The following DLEC1 variants were observed in gnomAD, a reference collection of about 807,000 sequenced individuals.
DLEC1 encodes the protein deleted in lung and esophageal cancer protein 1.
DLEC1 carries 146 observed loss-of-function variants against 198.1 expected under a neutral mutation model. The observed-to-expected ratio is 0.74, with a 90% CI of 0.64 to 0.85. The LOEUF is 0.85. Ranked by LOEUF, DLEC1 falls within the 40% of genes least tolerant of loss-of-function variation. DLEC1 has a pLI of 0.00. For missense variants in DLEC1, 2,233 were observed against 2,220.0 expected (o/e 1.01, Z -0.12); for synonymous variants, 897 against 866.8 (o/e 1.03, Z -0.61).
At chr3:38,095,519 T>C (rs534538008) in intron 13 of DLEC1, 4 of 308,790 alleles carry the variant, frequency 1.3e-5, no homozygotes, top group African/African-American at 6.3e-5. Flanking sequence ...TCCGGGGCCA[T>C]TGTTAGTGGG....
rs758908264 is a variant in DLEC1, at chr3:38,117,618, G to A, written c.4485+7G>A. On this transcript the variant is annotated splice_region_variant and intron_variant, in intron 32 of 36. Transcript: ENST00000308059. The stretch of plus-strand genomic sequence containing the variant: ...CGAGCAGCCCTGCTCTGGGGTGAGT[G>A]TGCTGCCACCCTCTGGCCCTGCCAG... The A allele has an allele frequency of 6.2e-7, 1 of 1,613,982 alleles. No homozygotes were observed. Among genetic ancestry groups the A allele is most frequent in the African/African-American group, 1.3e-5 (1 of 74,918 alleles).
Position 38,114,445 on chromosome 3 carries a change from A to T in DLEC1, c.3770A>T (p.Lys1257Met), listed in dbSNP as rs373991454. The T allele has an allele frequency of 5.9e-5, 96 of 1,614,078 alleles. No homozygotes were observed. The highest frequency in any genetic ancestry group is 7.9e-5 in the Non-Finnish European group (93 of 1,180,010). Residue 1257 changes from lysine to methionine, a missense_variant, in exon 26 of 37, where the codon AAG becomes ATG. Lys to Met is a moderately conservative substitution (Grantham distance 95, BLOSUM62 -1). Coordinates refer to ENST00000308059, the MANE Select transcript of DLEC1 (RefSeq NM_007335.4). ...TTSYTIDQAQKEPAMRFGTQV... is the reference protein window; with the variant it reads ...TTSYTIDQAQMEPAMRFGTQV... ...TCCTACACTATTGACCAGGCCCAGA[A>T]GGAACCAGCCATGAGGTGCTCCATG...
At position 38,093,728 on chromosome 3, in the gene DLEC1, G is replaced by A. The variant is rs377618804; in HGVS notation, c.1880G>A (p.Arg627Gln). Residue 627 changes from arginine to glutamine, a missense_variant, in exon 12 of 37, where the codon CGG becomes CAG. By Grantham distance (43) the Arg-to-Gln change is conservative. Coordinates refer to ENST00000308059, the MANE Select transcript of DLEC1 (RefSeq NM_007335.4). ...ATACGATTTGAGCCTGAAAACCTTC[G>A]GTCCACGGCTAGGAAGCAGCTGATT... ...HFIRFEPENL[R>Q]STARKQLIIR... The A allele has an allele frequency of 7.9e-5, 128 of 1,614,034 alleles. No homozygotes were observed. Among genetic ancestry groups the A allele is most frequent in the Middle Eastern group, 1.6e-4 (1 of 6,080 alleles).
intron 33 of DLEC1, 150 bp downstream of exon 33, chr3:38,118,174 A>T (rs965674742): frequency 1.2e-6 from 1 of 859,114 alleles, no homozygotes; most frequent in Non-Finnish European, 1.8e-6. Flanking sequence ...TCGGGGGTGC[A>T]CTCCCACCAG....
At chr3:38,099,406 T>TTGCCAA (rs1299657416) in intron 18 of DLEC1, among the ~76,000 whole-genome samples, 1 of 152,242 alleles carries the variant, frequency 6.6e-6, no homozygotes, top group African/African-American at 2.4e-5. Context: ...ATGGAAATAA[T>TTGCCAA]TGCCAATGTT....
At chr3:38,047,752 A>C (rs981084094) in intron 2 of DLEC1, among the ~76,000 whole-genome samples, 1 of 152,166 alleles carries the variant, frequency 6.6e-6, no homozygotes, top group Non-Finnish European at 1.5e-5. Flanking sequence ...TGTGGTTGCT[A>C]TCTCTCCTTT....
intron 10 of DLEC1, among the ~76,000 whole-genome samples, chr3:38,091,391 G>T (rs555950399): frequency 2.0e-5 from 3 of 152,178 alleles, no homozygotes; most frequent in African/African-American, 7.2e-5. Context: ...TTGAGCTCAG[G>T]TGTTAGAGGC....
chr3:38,096,632 C>T lies in DLEC1; in HGVS notation c.2235C>T (p.Ile745=), dbSNP rs1416055722. The change falls in exon 15 of 37, where the codon ATC becomes ATT. Residue 745 remains isoleucine, a synonymous_variant. Coordinates refer to ENST00000308059, the MANE Select transcript of DLEC1 (RefSeq NM_007335.4). ...YSVDDVIVLE[I]EVKGSVEPFQ... ...TGGATGATGTGATTGTCCTGGAAAT[C>T]GAGGTGAAAGGCTCAGTAGAACCTT... 7 of 1,612,780 alleles carry T rather than the reference C, an allele frequency of 4.3e-6. No individual in the cohort carries two copies. The highest frequency in any genetic ancestry group is 3.3e-5 in the Admixed American group (2 of 59,994).
intron 19 of DLEC1, among the ~76,000 whole-genome samples, chr3:38,104,466 A>G (rs1285442099): frequency 6.6e-6 from 1 of 151,806 alleles, no homozygotes; most frequent in Non-Finnish European, 1.5e-5. Context: ...GCCCCACCCC[A>G]TCCCCCCAAA....
At position 38,117,340 on chromosome 3, in the gene DLEC1, A is replaced by G. The variant is rs775641494; in HGVS notation, c.4400+38A>G. On this transcript the variant is annotated intron_variant, in intron 31 of 36. Coordinates refer to ENST00000308059, the MANE Select transcript of DLEC1 (RefSeq NM_007335.4). ...GGGTGCCCCATCTCCTTTCATCCCCATGGGGTGCACCCTCACCAGGCACTG... is the reference window on the plus strand; with the variant it reads ...GGGTGCCCCATCTCCTTTCATCCCCGTGGGGTGCACCCTCACCAGGCACTG... 188 of 1,610,630 alleles carry G rather than the reference A, an allele frequency of 1.2e-4. No homozygotes were observed. In the South Asian group the frequency reaches 1.8e-3, roughly 15 times the overall value.
intron 5 of DLEC1, among the ~76,000 whole-genome samples, chr3:38,063,162 T>A (rs1303749608): frequency 6.6e-6 from 1 of 152,254 alleles, no homozygotes; most frequent in Admixed American, 6.5e-5. Flanking sequence ...CTGTGATTTT[T>A]CTTTAAGAGT....
Position 38,108,410 on chromosome 3 carries a change from C to T in DLEC1, c.3024C>T (p.Leu1008=). Residue 1008 remains leucine, a synonymous_variant, in exon 21 of 37, where the codon CTC becomes CTT. Transcript: ENST00000308059. ...CTCACTCATGTGTCTGCCAGCTCCT[C>T]GGACACCAAGCAGAATTCTGCATGG... ...LPTQFHWGKL[L]GHQAEFCMVT... The T allele has an allele frequency of 2.5e-6, 4 of 1,613,872 alleles. No individual in the cohort carries two copies. The highest frequency in any genetic ancestry group is 3.4e-6 in the Non-Finnish European group (4 of 1,179,876).
chr3:38,108,249 T>C (rs1261506755), intron 20 of DLEC1, among the ~76,000 whole-genome samples, 156 bp from the exon 21 acceptor site: 1 of 152,244 alleles, frequency 6.6e-6, no homozygotes, highest in Non-Finnish European at 1.5e-5. Context: ...ACCCGTGGTT[T>C]ATCCCCAGAA....
rs1340571282 is a variant in DLEC1, at chr3:38,039,369, C to T, written c.144C>T (p.Ser48=). 2.5e-6 allele frequency: 4 copies of T among 1,614,240 alleles called. No individual in the cohort carries two copies. In the South Asian group the frequency reaches 3.3e-5, roughly 13 times the overall value. The change falls in exon 1 of 37, where the codon TCC becomes TCT. Residue 48 remains serine, a synonymous_variant. Transcript: ENST00000308059. ...CCTGGAAGTCCTCCTTGTATTCCTC[C>T]CTCGCCTACTCTGAGGCCTTCCACT... The part of the protein sequence containing the change: ...QPTWKSSLYS[S]LAYSEAFHYS...
At chr3:38,079,355 G>GTC (rs1450676936) in intron 6 of DLEC1, among the ~76,000 whole-genome samples, 1 of 152,182 alleles carries the variant, frequency 6.6e-6, no homozygotes, top group Non-Finnish European at 1.5e-5. Flanking sequence ...AAGCCTGGCT[G>GTC]TCAATACCCA....
intron 9 of DLEC1, among the ~76,000 whole-genome samples, chr3:38,087,655 C>A (rs545005849): frequency 1.3e-5 from 2 of 152,338 alleles, no homozygotes; most frequent in East Asian, 3.9e-4. Context: ...TTTCTCATAG[C>A]AAAGATATTT....
Position 38,117,853 on chromosome 3 carries a change from T to G in DLEC1, c.4533T>G (p.Thr1511=), listed in dbSNP as rs915389868. 6.2e-7 allele frequency: 1 copy of G among 1,613,846 alleles called. No homozygotes were observed. Among genetic ancestry groups the G allele is most frequent in the Non-Finnish European group, 8.5e-7 (1 of 1,179,968 alleles). The change falls in exon 33 of 37, where the codon ACT becomes ACG. Residue 1511 remains threonine, a synonymous_variant. Coordinates refer to ENST00000308059, the MANE Select transcript of DLEC1 (RefSeq NM_007335.4). ...VTTHHLKLTN[T]TEIPHYFRLM... The stretch of plus-strand genomic sequence containing the variant: ...CCCACCACCTGAAGCTGACCAACAC[T>G]ACAGAGATCCCACACTACTTCCGGC...
In DLEC1 at chr3:38,116,595, C is replaced by G. The variant is rs758920475; in HGVS notation, c.3999C>G (p.Gly1333=). The change falls in exon 28 of 37, where the codon GGC becomes GGG. Residue 1333 remains glycine, a synonymous_variant. Coordinates refer to ENST00000308059, the MANE Select transcript of DLEC1 (RefSeq NM_007335.4). ...ELVCPDTPEG[G]CLLWSPGPSS... ...TGTGCCCTGATACCCCTGAGGGTGG[C>G]TGCCTCCTCTGGTCCCCAGGCCCCT... The G allele has an allele frequency of 6.2e-7, 1 of 1,614,164 alleles. No individual in the cohort carries two copies. Among genetic ancestry groups the G allele is most frequent in the Admixed American group, 1.7e-5 (1 of 60,030 alleles).
rs1191552901 is a variant in DLEC1 at position 38,122,049 on chromosome 3, TCTTCC to T, written c.5021-13_5021-9del. 6.2e-7 allele frequency: 1 copy of T among 1,612,408 alleles called. No individual in the cohort carries two copies. Among genetic ancestry groups the T allele is most frequent in the South Asian group, 1.1e-5 (1 of 91,000 alleles). ...ACATGGGGCTGCCTGCACTCATGTG[TCTTCC>T]CTTCCCTTTGGTGCAGGCCAGCAGG... On this transcript the variant is annotated splice_polypyrimidine_tract_variant and intron_variant, in intron 35 of 36. Coordinates refer to ENST00000308059, the MANE Select transcript of DLEC1 (RefSeq NM_007335.4).
Sources: allele counts gnomAD v4.1 joint callset (sites outside exome capture counted in the v4.1 genomes callset), GRCh38; gene constraint gnomAD v4.1.1; transcripts MANE v1.5; gene names NCBI Gene and HGNC (gene_info 2026-07-23, HGNC 2026-07-21).